The following SFI1 variants were observed in gnomAD, a reference collection of about 807,000 sequenced individuals.
SFI1 encodes protein SFI1 homolog.
A neutral mutation model predicts 207.5 loss-of-function variants in SFI1; 195 were observed. The ratio of observed to expected loss-of-function variants is 0.94; its 90% CI spans 0.84 to 1.06. The LOEUF (loss-of-function observed/expected upper bound fraction) is 1.06, where lower values mean the gene tolerates loss of function less well. Ranked by LOEUF, SFI1 falls within the 50% of genes least tolerant of loss-of-function variation. SFI1 has a pLI of 0.00. For missense variants in SFI1, 1,634 were observed against 1,588.0 expected (o/e 1.03, Z -0.49); for synonymous variants, 630 against 598.9 (o/e 1.05, Z -0.76).
intron 2 of SFI1, among the ~76,000 whole-genome samples, chr22:31,520,898 G>A (rs1358056042): frequency 6.6e-6 from 1 of 150,752 alleles, no homozygotes. Context: ...CAGCTGCTCA[G>A]GAGTCTAAAG....
chr22:31,498,447 T>G (rs1673797369), intron 1 of SFI1, among the ~76,000 whole-genome samples: 1 of 152,018 alleles, frequency 6.6e-6, no homozygotes, highest in Admixed American at 6.6e-5. Flanking sequence ...GGTTAAAATA[T>G]CAATTCCAGC....
Position 31,505,440 on chromosome 22 carries a change from AAAAAAG to A in SFI1, c.-30-2797_-30-2792del, listed in dbSNP as rs1018185914. On this transcript the variant is annotated intron_variant, in intron 1 of 32. Transcript: ENST00000400288. ...GGCAACAGAGCGAGACTGTCTCGGA[AAAAAAG>A]AAAAAGAAAAAGAAAAAATGAAAAC... Among the ~76,000 whole-genome samples the A allele has an allele frequency of 2.9e-4, 40 of 139,250 alleles. No homozygotes were observed. In the East Asian group the frequency reaches 8.4e-3, roughly 29 times the overall value. 91.4% of individuals were successfully genotyped at this position (139,250 alleles called of 152,430 possible).
At chr22:31,601,722 A>G (rs2068124739) in intron 15 of SFI1, among the ~76,000 whole-genome samples, 1 of 152,128 alleles carries the variant, frequency 6.6e-6, no homozygotes, top group Admixed American at 6.6e-5. Flanking sequence ...TTAACAGTTT[A>G]TGGTTTTTTG....
chr22:31,508,218 A>G (rs1344688004), intron 1 of SFI1, 37 bp from the exon 2 acceptor site: 1 of 1,268,738 alleles, frequency 7.9e-7, no homozygotes, highest in African/African-American at 1.5e-5. Flanking sequence ...GAGGCTGCAA[A>G]TCATTTTCTC....
chr22:31,580,453 C>T lies in SFI1; in HGVS notation c.1248+89C>T. On this transcript the variant is annotated intron_variant, in intron 12 of 32. Coordinates refer to ENST00000400288, the MANE Select transcript of SFI1 (RefSeq NM_001007467.3). ...CAGTCTTGCCAAATTAAGCAGAACTCTTTTTAAAAAAACTTTTTGTGCTTC... is the reference window on the plus strand; with the variant it reads ...CAGTCTTGCCAAATTAAGCAGAACTTTTTTTAAAAAAACTTTTTGTGCTTC... 2.8e-6 allele frequency: 3 copies of T among 1,073,170 alleles called. No homozygotes were observed. In the South Asian group the frequency reaches 4.6e-5, roughly 17 times the overall value. 66.5% of individuals were successfully genotyped at this position (1,073,170 alleles called of 1,614,324 possible).
chr22:31,595,104 C>T (rs62237812), intron 15 of SFI1, among the ~76,000 whole-genome samples: 1 of 152,054 alleles, frequency 6.6e-6, no homozygotes, highest in Non-Finnish European at 1.5e-5. Context: ...TCAAGTAATT[C>T]TCCTGCCTCA....
intron 2 of SFI1, among the ~76,000 whole-genome samples, chr22:31,516,559 C>T (rs890236322): frequency 6.6e-6 from 1 of 151,752 alleles, no homozygotes; most frequent in African/African-American, 2.4e-5. Flanking sequence ...GGCTCAACCC[C>T]TGTAATCCCA....
At chr22:31,588,998 G>A (rs1164839306) in intron 14 of SFI1, among the ~76,000 whole-genome samples, 1 of 152,090 alleles carries the variant, frequency 6.6e-6, no homozygotes, top group Non-Finnish European at 1.5e-5. Context: ...TAATGTGTAT[G>A]ACAAACACTA....
At chr22:31,542,057 C>T (rs979876248) in intron 4 of SFI1, among the ~76,000 whole-genome samples, 26 of 144,630 alleles carry the variant, frequency 1.8e-4, no homozygotes, top group Admixed American at 4.9e-4. Flanking sequence ...GCCGAGATCA[C>T]ACCACTGCAC....
chr22:31,553,854 T>G (rs2060891993), intron 6 of SFI1, among the ~76,000 whole-genome samples: 1 of 120,210 alleles, frequency 8.3e-6, no homozygotes. Context: ...TTTTTTTTTT[T>G]TTTTTTTTTT....
At chr22:31,603,060 C>G (rs190752901) in intron 17 of SFI1, among the ~76,000 whole-genome samples, 1 of 152,238 alleles carries the variant, frequency 6.6e-6, no homozygotes, top group Non-Finnish European at 1.5e-5. Context: ...TGGAGAAAAC[C>G]CTCTCTATTA....
At chr22:31,566,971 T>C (rs140012186) in intron 8 of SFI1, among the ~76,000 whole-genome samples, 1,837 of 152,242 alleles carry the variant, frequency 0.012, 46 homozygotes, top group African/African-American at 0.043. Context: ...AGTGGTGCGA[T>C]CTCGGCTCAC....
chr22:31,521,817 G>T (rs1217608982), intron 2 of SFI1, among the ~76,000 whole-genome samples: 1 of 151,852 alleles, frequency 6.6e-6, no homozygotes, highest in East Asian at 1.9e-4. Context: ...AGGCTGGAGG[G>T]CAGTGGCGTG....
intron 1 of SFI1, among the ~76,000 whole-genome samples, chr22:31,504,750 A>G (rs2035993858): frequency 6.6e-6 from 1 of 152,112 alleles, no homozygotes; most frequent in African/African-American, 2.4e-5. Context: ...GTTGCCAGCA[A>G]TCTTTGGCAA....
At chr22:31,539,361 G>A (rs738656) in intron 4 of SFI1, among the ~76,000 whole-genome samples, 107,138 of 152,006 alleles carry the variant, frequency 0.7, 38,001 homozygotes, top group Middle Eastern at 0.75. Flanking sequence ...AGTCCTTACT[G>A]TGGTCTATAA....
At chr22:31,614,749 C>G in intron 27 of SFI1, 40 bp from the exon 28 acceptor site, 1 of 1,610,432 alleles carries the variant, frequency 6.2e-7, no homozygotes. Context: ...CCTGCAGCCC[C>G]TGGTCAGCCC....
At chr22:31,504,151 A>G (rs1569157206) in intron 1 of SFI1, among the ~76,000 whole-genome samples, 1 of 152,180 alleles carries the variant, frequency 6.6e-6, no homozygotes, top group African/African-American at 2.4e-5. Context: ...TATAGAGTAT[A>G]TAACAGAAGG....
chr22:31,559,609 A>G (rs1006634520), intron 7 of SFI1: 10 of 681,716 alleles, frequency 1.5e-5, no homozygotes, highest in Non-Finnish European at 2.5e-5. Flanking sequence ...GTACACTCAT[A>G]GTGTTGAGGA....
intron 2 of SFI1, among the ~76,000 whole-genome samples, chr22:31,522,803 G>T (rs951897545): frequency 4.6e-5 from 7 of 152,074 alleles, no homozygotes; most frequent in African/African-American, 1.7e-4. Context: ...CTACAGGCGT[G>T]TGCCACCATG....
Sources: gnomAD v4.1 joint callset for allele counts (sites outside exome capture counted in the v4.1 genomes callset) on GRCh38, gnomAD v4.1.1 for gene constraint, MANE v1.5 for transcripts, NCBI Gene and HGNC (gene_info 2026-07-23, HGNC 2026-07-21) for gene names.